CNST: variants seen among roughly 807,000 people sequenced by gnomAD.
CNST encodes consortin, connexin sorting protein, also known as consortin.
In CNST, 39 loss-of-function variants were observed where a neutral mutation model predicts 72.4. That is an observed-to-expected ratio of 0.54 (90% CI 0.42 to 0.70). The LOEUF (loss-of-function observed/expected upper bound fraction) is 0.70. Among genes scored for constraint, CNST ranks in the 30% least tolerant of loss-of-function variants. The pLI is 0.00. For missense variants in CNST, 871 were observed against 868.5 expected, an observed-to-expected ratio of 1.00 and a Z score of -0.04; for synonymous variants, 332 against 320.1, an observed-to-expected ratio of 1.04 and a Z score of -0.40.
chr1:246,656,522 T>C (rs750188304), intron 9 of CNST, among the ~76,000 whole-genome samples: 2 of 152,230 alleles, frequency 1.3e-5, no homozygotes, highest in Non-Finnish European at 2.9e-5. Context: ...GGTATATTTG[T>C]TTGGGTAAGA....
chr1:246,652,371 A>G (rs776679811), intron 9 of CNST, among the ~76,000 whole-genome samples: 33 of 152,196 alleles, frequency 2.2e-4, no homozygotes, highest in Non-Finnish European at 4.4e-4. Flanking sequence ...TCTTACACAC[A>G]TAGAGATGAG....
At chr1:246,582,842 A>G (rs762057997) in intron 1 of CNST, among the ~76,000 whole-genome samples, 1 of 152,162 alleles carries the variant, frequency 6.6e-6, no homozygotes, top group Non-Finnish European at 1.5e-5. Context: ...CTGGGTTACA[A>G]TGTCCTCTTG....
At chr1:246,645,368 C>G (rs1010709307) in intron 8 of CNST, among the ~76,000 whole-genome samples, 3 of 151,234 alleles carry the variant, frequency 2.0e-5, no homozygotes, top group Non-Finnish European at 4.4e-5. Context: ...TTTATTTTCA[C>G]CTTTGGCTCA....
chr1:246,578,418 A>T (rs1452520354), intron 1 of CNST, among the ~76,000 whole-genome samples: 2 of 152,038 alleles, frequency 1.3e-5, no homozygotes, highest in African/African-American at 4.8e-5. Context: ...CACGCCTGTA[A>T]TCCCAGCACT....
At chr1:246,595,380 C>A (rs1197180593) in intron 2 of CNST, among the ~76,000 whole-genome samples, 1 of 152,158 alleles carries the variant, frequency 6.6e-6, no homozygotes, top group Non-Finnish European at 1.5e-5. Context: ...TCCCTGTGAT[C>A]TCTCAAGTCA....
chr1:246,655,029 T>C (rs183831628), intron 9 of CNST, among the ~76,000 whole-genome samples: 1 of 152,362 alleles, frequency 6.6e-6, no homozygotes, highest in Admixed American at 6.5e-5. Flanking sequence ...TCAGGGGATT[T>C]AAAGTAACTG....
At chr1:246,602,742 G>T (rs1662378341) in intron 2 of CNST, among the ~76,000 whole-genome samples, 1 of 152,164 alleles carries the variant, frequency 6.6e-6, no homozygotes, top group South Asian at 2.1e-4. Flanking sequence ...GAGAAAGTCG[G>T]TGCCTCAGAT....
Position 246,610,790 on chromosome 1 carries a change from G to A in CNST, c.380-10639G>A, listed in dbSNP as rs373408573. Among the ~76,000 whole-genome samples, 136 of 152,074 alleles carry A rather than the reference G, an allele frequency of 8.9e-4. 1 individual carries two copies. In the South Asian group the frequency reaches 0.026, roughly 29 times the overall value. On this transcript the variant is annotated intron_variant, in intron 2 of 10. Coordinates refer to ENST00000366513, the MANE Select transcript of CNST (RefSeq NM_152609.3). Reference sequence around the variant, plus strand: ...CTTCTCTGGCCCTTTCTAAGCGTGCGTCGTGTCCTGAGCTGTCGCGTGTAG... The same window carrying A: ...CTTCTCTGGCCCTTTCTAAGCGTGCATCGTGTCCTGAGCTGTCGCGTGTAG...
At chr1:246,621,372 G>A in intron 2 of CNST, 57 bp from the exon 3 acceptor site, 17 of 1,317,012 alleles carry the variant, frequency 1.3e-5, no homozygotes, top group Non-Finnish European at 1.8e-5. Flanking sequence ...TTGTTTTAAT[G>A]TGTTACACCA....
Position 246,647,203 on chromosome 1 carries a change from G to C in CNST, c.1002G>C (p.Gly334=). Residue 334 remains glycine (G), a synonymous_variant, in exon 9 of 11, where the codon GGG becomes GGC. Transcript: ENST00000366513. The part of the protein sequence containing the change: ...KESQHTVEPL[G]SSPCCHQMDV... Reference sequence around the variant, plus strand: ...GCCAACATACAGTGGAGCCCCTGGGGAGCAGTCCCTGCTGTCATCAGATGG... The same window carrying C: ...GCCAACATACAGTGGAGCCCCTGGGCAGCAGTCCCTGCTGTCATCAGATGG... 1 of 1,614,054 alleles carries C rather than the reference G, an allele frequency of 6.2e-7. No homozygotes were observed. The highest frequency in any genetic ancestry group is 1.1e-5 in the South Asian group (1 of 91,076).
intron 2 of CNST, among the ~76,000 whole-genome samples, chr1:246,596,221 C>T (rs1661870457): frequency 6.6e-6 from 1 of 151,918 alleles, no homozygotes; most frequent in Non-Finnish European, 1.5e-5. Flanking sequence ...TTGTGACCAG[C>T]CTGGGCAACA....
intron 2 of CNST, among the ~76,000 whole-genome samples, chr1:246,619,270 A>C (rs1345674810): frequency 6.6e-6 from 1 of 152,240 alleles, no homozygotes; most frequent in East Asian, 1.9e-4. Context: ...ATTAGAAAGC[A>C]GAAGAATCAC....
chr1:246,624,451 G>A (rs532151772), intron 3 of CNST, among the ~76,000 whole-genome samples: 5 of 152,310 alleles, frequency 3.3e-5, no homozygotes, highest in East Asian at 1.9e-4. Context: ...TATGTTTGAC[G>A]TACAGTAAAA....
At position 246,642,041 on chromosome 1, in the gene CNST, T is replaced by C. The variant is rs1408688762; in HGVS notation, c.937+4T>C. ...GGAGCTACCACCAAAGAGTCAGGTA[T>C]GTTTTTAACTTAAGCTATGGAGCAA... On this transcript the variant is annotated splice_donor_region_variant and intron_variant, in intron 8 of 10. Coordinates refer to ENST00000366513, the MANE Select transcript of CNST (RefSeq NM_152609.3). 1.9e-6 allele frequency: 3 copies of C among 1,577,962 alleles called. No homozygotes were observed. Among genetic ancestry groups the C allele is most frequent in the Non-Finnish European group, 8.7e-7 (1 of 1,152,148 alleles).
chr1:246,626,040 C>T (rs1453583424), intron 3 of CNST, among the ~76,000 whole-genome samples: 5 of 151,458 alleles, frequency 3.3e-5, no homozygotes, highest in Non-Finnish European at 7.4e-5. Context: ...CCTTCTCCGG[C>T]TCATTTTCTG....
intron 8 of CNST, among the ~76,000 whole-genome samples, chr1:246,646,117 A>G (rs1666048417): frequency 6.6e-6 from 1 of 151,520 alleles, no homozygotes; most frequent in Admixed American, 6.6e-5. Context: ...ATCTCTACTA[A>G]AAAATACCAA....
At chr1:246,639,924 G>A (rs945608229) in intron 6 of CNST, among the ~76,000 whole-genome samples, 1 of 152,192 alleles carries the variant, frequency 6.6e-6, no homozygotes, top group African/African-American at 2.4e-5. Flanking sequence ...GTGGTACCCG[G>A]ATGGCCAATC....
At chr1:246,626,614 A>C (rs1246404228) in intron 3 of CNST, among the ~76,000 whole-genome samples, 1 of 149,972 alleles carries the variant, frequency 6.7e-6, no homozygotes, top group Admixed American at 6.6e-5. Flanking sequence ...GTGCCACCAC[A>C]CCTGGCTAAT....
intron 1 of CNST, among the ~76,000 whole-genome samples, chr1:246,570,591 G>A (rs1384936975): frequency 6.6e-6 from 1 of 152,206 alleles, no homozygotes; most frequent in Non-Finnish European, 1.5e-5. Flanking sequence ...TAGGGACTAT[G>A]GGGAGTGTTA....
Sources: gnomAD v4.1 joint callset for allele counts (sites outside exome capture counted in the v4.1 genomes callset) on GRCh38, gnomAD v4.1.1 for gene constraint, MANE v1.5 for transcripts, NCBI Gene and HGNC (gene_info 2026-07-23, HGNC 2026-07-21) for gene names.